CTDP1: variants seen among roughly 807,000 people sequenced by gnomAD.
CTDP1 encodes RNA polymerase II subunit A C-terminal domain phosphatase.
Under a neutral mutation model 91.8 loss-of-function variants are expected in CTDP1, and 47 were observed. That is an observed-to-expected ratio of 0.51 (90% CI 0.41 to 0.65). CTDP1 has a LOEUF of 0.65. CTDP1 is among the 30% of genes least tolerant of loss of function. The pLI is 0.00. For missense variants in CTDP1, 1,272 were observed against 1,373.7 expected (o/e 0.93, Z 1.17); for synonymous variants, 656 against 598.5 (o/e 1.10, Z -1.40).
intron 10 of CTDP1, among the ~76,000 whole-genome samples, chr18:79,728,257 A>G (rs2086492054): frequency 6.6e-6 from 1 of 152,056 alleles, no homozygotes; most frequent in East Asian, 1.9e-4. Context: ...GCACCACCAC[A>G]CCGGGCTAAT....
intron 10 of CTDP1, among the ~76,000 whole-genome samples, chr18:79,720,963 G>A (rs1230819358): frequency 2.0e-5 from 3 of 152,176 alleles, no homozygotes; most frequent in African/African-American, 7.2e-5. Context: ...GTTTCACTCA[G>A]CAATACCAGT....
intron 12 of CTDP1, among the ~76,000 whole-genome samples, chr18:79,753,286 C>T (rs1248017754): frequency 6.6e-6 from 1 of 152,268 alleles, no homozygotes; most frequent in African/African-American, 2.4e-5. Flanking sequence ...TGCTTGTTCA[C>T]ATAACACTAA....
intron 8 of CTDP1, among the ~76,000 whole-genome samples, chr18:79,716,473 T>A (rs2086210732): frequency 6.6e-6 from 1 of 152,202 alleles, no homozygotes; most frequent in Admixed American, 6.5e-5. Flanking sequence ...AGGCGGGCTT[T>A]CCGTGGAGCC....
intron 12 of CTDP1, among the ~76,000 whole-genome samples, chr18:79,739,305 C>T (rs1034415075): frequency 3.3e-5 from 5 of 152,332 alleles, no homozygotes; most frequent in African/African-American, 7.2e-5. Context: ...ATCCGTGTCT[C>T]CCCCTGTGGG....
chr18:79,718,653 T>G (rs1175383110), intron 10 of CTDP1, among the ~76,000 whole-genome samples: 2 of 152,112 alleles, frequency 1.3e-5, no homozygotes, highest in African/African-American at 4.8e-5. Context: ...CAGCCTAAGG[T>G]TGTGGCCCCT....
chr18:79,707,813 GA>G (rs779723546), intron 5 of CTDP1, among the ~76,000 whole-genome samples: 2 of 152,190 alleles, frequency 1.3e-5, no homozygotes, highest in African/African-American at 2.4e-5. Flanking sequence ...GGTCCGGACT[GA>G]AGCCTGAGGT....
chr18:79,712,928 C>G lies in CTDP1; in HGVS notation c.864-44C>G, dbSNP rs759512101. 2.5e-6 allele frequency: 4 copies of G among 1,598,636 alleles called. No homozygotes were observed. The South Asian group carries it at 3.3e-5, about 13-fold the overall frequency. ...CGCTTGGCAAGATGAATGACTACAA[C>G]TTTTCATTATTATTTTTTGTAAATT... On this transcript the variant is annotated intron_variant, in intron 6 of 12. Transcript: ENST00000613122.
chr18:79,753,754 C>G lies in CTDP1; in HGVS notation c.2850C>G (p.Ala950=). 6.2e-7 allele frequency: 1 copy of G among 1,613,810 alleles called. No individual in the cohort carries two copies. The highest frequency in any genetic ancestry group is 8.5e-7 in the Non-Finnish European group (1 of 1,179,972). The part of the protein sequence containing the change: ...EGSSSEADEM[A]KALEAELNDL... ...GCAGCTCCGAGGCCGACGAGATGGC[C>G]AAGGCGCTGGAGGCGGAGCTCAACG... The change falls in exon 13 of 13, where the codon GCC becomes GCG. Residue 950 remains alanine, a synonymous_variant. Coordinates refer to ENST00000613122, the MANE Select transcript of CTDP1 (RefSeq NM_004715.5).
intron 12 of CTDP1, among the ~76,000 whole-genome samples, chr18:79,744,290 G>A (rs1448355406): frequency 6.6e-6 from 1 of 152,238 alleles, no homozygotes; most frequent in Non-Finnish European, 1.5e-5. Flanking sequence ...CGTGTCACAG[G>A]CAGGTGACCC....
At chr18:79,694,551 A>T (rs1280381377) in intron 1 of CTDP1, among the ~76,000 whole-genome samples, 4 of 141,360 alleles carry the variant, frequency 2.8e-5, no homozygotes, top group African/African-American at 1.1e-4. Context: ...GGCTGCGGAC[A>T]CCTAGGGTCA....
chr18:79,718,286 G>A lies in CTDP1; in HGVS notation c.2417+270G>A, dbSNP rs541282520. ...TCCAGGCACCCGCATGTGCCCACCTGTGGCCGCCCCGCAGAGCACTCGGTC... is the reference window on the plus strand; with the variant it reads ...TCCAGGCACCCGCATGTGCCCACCTATGGCCGCCCCGCAGAGCACTCGGTC... On this transcript the variant is annotated intron_variant, in intron 10 of 12. Coordinates refer to ENST00000613122, the MANE Select transcript of CTDP1 (RefSeq NM_004715.5). Among the ~76,000 whole-genome samples, 5 of 152,264 alleles carry A rather than the reference G, an allele frequency of 3.3e-5. No homozygotes were observed. In the East Asian group the frequency reaches 9.7e-4, roughly 29 times the overall value.
chr18:79,737,226 G>A (rs1052661196), intron 12 of CTDP1, among the ~76,000 whole-genome samples: 10 of 152,230 alleles, frequency 6.6e-5, no homozygotes, highest in African/African-American at 2.2e-4. Flanking sequence ...CTGCATTGCC[G>A]TGAAAGGTAT....
chr18:79,717,703 C>A (rs371167067), intron 9 of CTDP1, 27 bp downstream of exon 9: 2 of 1,613,964 alleles, frequency 1.2e-6, no homozygotes, highest in South Asian at 2.2e-5. Context: ...CCCAGCAGGT[C>A]CGTGCCAGGC....
intron 7 of CTDP1, among the ~76,000 whole-genome samples, chr18:79,714,058 CGGT>C (rs2086141065): frequency 6.7e-6 from 1 of 149,944 alleles, no homozygotes; most frequent in South Asian, 2.1e-4. Context: ...CTTACGGCCA[CGGT>C]GGCGCCAGGT....
intron 4 of CTDP1, among the ~76,000 whole-genome samples, chr18:79,700,293 G>A (rs1330212322): frequency 6.6e-6 from 1 of 152,216 alleles, no homozygotes; most frequent in African/African-American, 2.4e-5. Context: ...AGCCAGGAAA[G>A]GCTGCAAGCT....
intron 12 of CTDP1, among the ~76,000 whole-genome samples, chr18:79,738,000 G>GGCCTCCCCCGCAGGTCCCC (rs1392017171): frequency 7.6e-6 from 1 of 132,184 alleles, no homozygotes; most frequent in Admixed American, 7.5e-5. Flanking sequence ...CCACTCCCCC[G>GGCCTCCCCCGCAGGTCCCC]GCCTCCCCCG....
intron 10 of CTDP1, among the ~76,000 whole-genome samples, chr18:79,724,754 C>T (rs769142813): frequency 2.0e-5 from 3 of 152,222 alleles, no homozygotes; most frequent in Non-Finnish European, 2.9e-5. Context: ...GTAGCCCAGT[C>T]CCAGATCCCA....
chr18:79,718,116 C>A, intron 10 of CTDP1, 100 bp downstream of exon 10: 2 of 1,381,870 alleles, frequency 1.4e-6, no homozygotes, highest in Non-Finnish European at 1.0e-6. Context: ...GAAGTGAGGG[C>A]GGGTGGAGGC....
intron 11 of CTDP1, among the ~76,000 whole-genome samples, chr18:79,731,824 C>T (rs185539613): frequency 2.6e-5 from 4 of 152,284 alleles, no homozygotes; most frequent in African/African-American, 4.8e-5. Flanking sequence ...GAACAGAGGC[C>T]GGGTGTGGGG....
Sources: gnomAD v4.1 joint callset for allele counts (sites outside exome capture counted in the v4.1 genomes callset) on GRCh38, gnomAD v4.1.1 for gene constraint, MANE v1.5 for transcripts, NCBI Gene and HGNC (gene_info 2026-07-23, HGNC 2026-07-21) for gene names.